PCDHGB6: variants seen among roughly 807,000 people sequenced by gnomAD.
The protein encoded by PCDHGB6 is protocadherin gamma-B6.
In PCDHGB6, 51 loss-of-function variants were observed where a neutral mutation model predicts 59.1. That is an observed-to-expected ratio of 0.86 (90% confidence interval 0.69 to 1.09). The LOEUF is 1.09. Ranked by LOEUF, PCDHGB6 falls within the 50% of genes least tolerant of loss-of-function variation. PCDHGB6 has a pLI of 0.00. For missense variants in PCDHGB6, 1,148 were observed against 1,205.1 expected, an observed-to-expected ratio of 0.95 and a Z score of 0.70; for synonymous variants, 466 against 495.1, an observed-to-expected ratio of 0.94 and a Z score of 0.78.
chr5:141,489,692 G>C lies in PCDHGB6; in HGVS notation c.2419-5115G>C, dbSNP rs768806028. The stretch of plus-strand genomic sequence containing the variant: ...TCAGAATCAGCAGCATCTGGGGCAC[G>C]ATTCCCACTGGACAGTGCCCAGGAT... On this transcript the variant is annotated intron_variant, in intron 1 of 3. Transcript: ENST00000520790. This position sits in a 1 kb window ranked among gnomAD's most constrained non-coding sequence, Gnocchi z 4.5. 6.2e-7 allele frequency: 1 copy of C among 1,614,128 alleles called. No individual in the cohort carries two copies. Among genetic ancestry groups the C allele is most frequent in the South Asian group, 1.1e-5 (1 of 91,080 alleles).
chr5:141,489,729 C>T lies in PCDHGB6; in HGVS notation c.2419-5078C>T, dbSNP rs760195181. ...ACAGTGCCCAGGATCCGGATGTGGGCACCAATACTGTGAGCTTTTACACTC... is the reference window on the plus strand; with the variant it reads ...ACAGTGCCCAGGATCCGGATGTGGGTACCAATACTGTGAGCTTTTACACTC... On this transcript the variant is annotated intron_variant, in intron 1 of 3. Transcript: ENST00000520790. The surrounding 1 kb of genome is among the most constrained non-coding windows in gnomAD (Gnocchi z 4.5). 2.5e-6 allele frequency: 4 copies of T among 1,614,152 alleles called. No individual in the cohort carries two copies. The highest frequency in any genetic ancestry group is 2.2e-5 in the East Asian group (1 of 44,876).
chr5:141,489,467 C>G lies in PCDHGB6; in HGVS notation c.2419-5340C>G. 1 of 1,614,076 alleles carries G rather than the reference C, an allele frequency of 6.2e-7. No individual in the cohort carries two copies. The highest frequency in any genetic ancestry group is 8.5e-7 in the Non-Finnish European group (1 of 1,180,026). Reference sequence around the variant, plus strand: ...TCTGAGGAGAATGGGCGCTATTTTTCCCTGAGCTTGATGAGTGGTGCCCTG... The same window carrying G: ...TCTGAGGAGAATGGGCGCTATTTTTGCCTGAGCTTGATGAGTGGTGCCCTG... On this transcript the variant is annotated intron_variant, in intron 1 of 3. Transcript: ENST00000520790. The surrounding 1 kb of genome is among the most constrained non-coding windows in gnomAD (Gnocchi z 4.5).
At chr5:141,492,163 C>G (rs921256341) in intron 1 of PCDHGB6, among the ~76,000 whole-genome samples, 3 of 152,232 alleles carry the variant, frequency 2.0e-5, no homozygotes, top group Admixed American at 6.5e-5. Flanking sequence ...CCTCCCTATC[C>G]CCGCATCACC....
Position 141,490,970 on chromosome 5 carries a change from A to G in PCDHGB6, c.2419-3837A>G. ...CCAGACTGGGAACACTCAGCCCCCC[A>G]GCGTCTCCCTCGCTCTGCTCCTCCT... On this transcript the variant is annotated intron_variant, in intron 1 of 3. Coordinates refer to ENST00000520790, the MANE Select transcript of PCDHGB6 (RefSeq NM_018926.3). This position sits in a 1 kb window ranked among gnomAD's most constrained non-coding sequence, Gnocchi z 5.4. 1 of 1,613,858 alleles carries G rather than the reference A, an allele frequency of 6.2e-7. No individual in the cohort carries two copies. Among genetic ancestry groups the G allele is most frequent in the South Asian group, 1.1e-5 (1 of 91,062 alleles).
chr5:141,483,637 G>C (rs1365525499), intron 1 of PCDHGB6, among the ~76,000 whole-genome samples: 2 of 145,762 alleles, frequency 1.4e-5, no homozygotes. Context: ...AAGGTATAGA[G>C]GGGTGTGTGT....
intron 1 of PCDHGB6, chr5:141,430,865 C>G: frequency 6.3e-7 from 1 of 1,595,350 alleles, no homozygotes; most frequent in Non-Finnish European, 8.5e-7. Flanking sequence ...CTATTCAGTT[C>G]CGGAAGAGCT....
At chr5:141,441,340 C>T (rs2098240395) in intron 1 of PCDHGB6, 1 of 152,330 alleles carries the variant, frequency 6.6e-6, no homozygotes, top group Non-Finnish European at 1.5e-5. Flanking sequence ...CAATAATTAA[C>T]TACATGCTTG....
At chr5:141,410,828 C>A in intron 1 of PCDHGB6, 4 of 377,748 alleles carry the variant, frequency 1.1e-5, no homozygotes, top group Non-Finnish European at 1.8e-5. Context: ...TGTCACCAGA[C>A]TGAAGATATT....
chr5:141,487,933 A>ACCCTGTG lies in PCDHGB6; in HGVS notation c.2419-6873_2419-6872insCCTGTGC. 1.6e-6 allele frequency: 1 copy of ACCCTGTG among 612,004 alleles called. No individual in the cohort carries two copies. The highest frequency in any genetic ancestry group is 1.8e-5 in the African/African-American group (1 of 54,216). The allele number at this position is 612,004 out of a possible 1,614,324, so 37.9% of individuals were successfully genotyped here. On this transcript the variant is annotated intron_variant, in intron 1 of 3. Coordinates refer to ENST00000520790, the MANE Select transcript of PCDHGB6 (RefSeq NM_018926.3). The surrounding 1 kb of genome is among the most constrained non-coding windows in gnomAD (Gnocchi z 5.0). ...CACAGGAGGCTACAGTGCACAGGGT[A>ACCCTGTG]CAGTGCACCAGGCAGTCACTTGGAC... is the stretch of plus-strand genomic sequence containing the variant.
In PCDHGB6 at chr5:141,430,969, TAGGACGCA is replaced by T. The variant is rs775497521; in HGVS notation, c.2418+20350_2418+20357del. The T allele has an allele frequency of 7.3e-5, 118 of 1,613,012 alleles. 1 individual carries two copies. The Middle Eastern group carries it at 1.8e-3, about 25-fold the overall frequency. On this transcript the variant is annotated intron_variant, in intron 1 of 3. Transcript: ENST00000520790. ...GCGGAGTCCGCATCATCCCCAGAGG[TAGGACGCA>T]GCTTTTCGCCCTGAATCCGCGCAGC...
At chr5:141,463,629 GTT>G (rs923584581) in intron 1 of PCDHGB6, among the ~76,000 whole-genome samples, 5 of 151,314 alleles carry the variant, frequency 3.3e-5, no homozygotes, top group Middle Eastern at 3.4e-3. Flanking sequence ...TTTGTATTTT[GTT>G]TAGTAGAGAC....
chr5:141,481,913 CAA>C (rs34114744), intron 1 of PCDHGB6, among the ~76,000 whole-genome samples: 12,059 of 90,730 alleles, frequency 0.13, 576 homozygotes, highest in African/African-American at 0.21. Flanking sequence ...AACTCCATCT[CAA>C]AAAAAAAAAA....
intron 1 of PCDHGB6, chr5:141,423,381 G>T (rs2154550114): frequency 6.2e-7 from 1 of 1,614,204 alleles, no homozygotes; most frequent in East Asian, 2.2e-5. Flanking sequence ...TCAGGCTGTG[G>T]CGCTGGCATA....
rs1040028231 is a variant in PCDHGB6, at chr5:141,485,542, C to T, written c.2419-9265C>T. 6.8e-6 allele frequency: 11 copies of T among 1,613,900 alleles called. No individual in the cohort carries two copies. Among genetic ancestry groups the T allele is most frequent in the Admixed American group, 6.7e-5 (4 of 59,996 alleles). On this transcript the variant is annotated intron_variant, in intron 1 of 3. Coordinates refer to ENST00000520790, the MANE Select transcript of PCDHGB6 (RefSeq NM_018926.3). The surrounding 1 kb of genome is among the most constrained non-coding windows in gnomAD (Gnocchi z 5.7). ...AAATGTACCGAGCAGAGGTAGAGAT[C>T]GTAGATGTGAATGATCACGCCCCCC...
Position 141,491,730 on chromosome 5 carries a change from C to G in PCDHGB6, c.2419-3077C>G, listed in dbSNP as rs1346666614. 1 of 1,603,920 alleles carries G rather than the reference C, an allele frequency of 6.2e-7. No homozygotes were observed. Among genetic ancestry groups the G allele is most frequent in the Non-Finnish European group, 8.5e-7 (1 of 1,175,836 alleles). ...GGGGCTCGGCGCCGCCCCGGGCGAC[C>G]CCTGGGGGCGGCACTGGAGAAGCCG... On this transcript the variant is annotated intron_variant, in intron 1 of 3. Coordinates refer to ENST00000520790, the MANE Select transcript of PCDHGB6 (RefSeq NM_018926.3). The surrounding 1 kb of genome is among the most constrained non-coding windows in gnomAD (Gnocchi z 6.9).
chr5:141,478,623 GT>G (rs1337268572), intron 1 of PCDHGB6: 14 of 1,554,358 alleles, frequency 9.0e-6, no homozygotes, highest in African/African-American at 1.4e-5. Context: ...GAATGGAGCT[GT>G]TTTTTTAGTG....
rs1255551589 is a variant in PCDHGB6 at position 141,410,375 on chromosome 5, G to A, written c.2173G>A (p.Asp725Asn). ...LRRSLSPATW[D>N]CFHPGLCVKS... ...ACGCTCTCTCAGCCCTGCTACTTGG[G>A]ACTGCTTCCATCCTGGTCTCTGTGT... Residue 725 changes from aspartate to asparagine, a missense_variant, in exon 1 of 4, where the codon GAC (aspartate) becomes AAC (asparagine). Physicochemically the swap from Asp to Asn is conservative, Grantham distance 23. This residue lies in a region of PCDHGB6 where 283 missense variants were observed against 318.6 expected (regional missense o/e 0.89). Coordinates refer to ENST00000520790, the MANE Select transcript of PCDHGB6 (RefSeq NM_018926.3). The A allele has an allele frequency of 6.2e-7, 1 of 1,614,028 alleles. No individual in the cohort carries two copies. Among genetic ancestry groups the A allele is most frequent in the Admixed American group, 1.7e-5 (1 of 60,022 alleles).
At chr5:141,483,919 G>T (rs912152955) in intron 1 of PCDHGB6, among the ~76,000 whole-genome samples, 2 of 151,008 alleles carry the variant, frequency 1.3e-5, no homozygotes, top group South Asian at 2.1e-4. Flanking sequence ...CACTCAGATT[G>T]CAGGTCGTAG....
At chr5:141,445,471 T>A (rs533909401) in intron 1 of PCDHGB6, among the ~76,000 whole-genome samples, 17 of 152,204 alleles carry the variant, frequency 1.1e-4, no homozygotes, top group Non-Finnish European at 2.4e-4. Context: ...AAGGCATATA[T>A]GATTCCTGAG....
Sources: allele counts gnomAD v4.1 joint callset (sites outside exome capture counted in the v4.1 genomes callset), GRCh38; gene constraint gnomAD v4.1.1; regional missense constraint gnomAD v4.1.1; non-coding constraint Gnocchi (gnomAD v3.1); transcripts MANE v1.5; gene names NCBI Gene and HGNC (gene_info 2026-07-23, HGNC 2026-07-21).